The following PDCD11 variants were observed in gnomAD, a reference collection of about 807,000 sequenced individuals.
PDCD11 encodes programmed cell death 11.
PDCD11 carries 97 observed loss-of-function variants against 198.9 expected under a neutral mutation model. The observed-to-expected ratio is 0.49, with a 90% CI of 0.41 to 0.58. The LOEUF is 0.58. Among genes scored for constraint, PDCD11 ranks in the 20% least tolerant of loss-of-function variants. The pLI, the probability that PDCD11 is intolerant of heterozygous loss-of-function variation, is 0.00. For synonymous variants in PDCD11, 893 were observed against 918.0 expected (o/e 0.97, Z 0.49); for missense variants, 2,102 against 2,312.7 (o/e 0.91, Z 1.87).
At chr10:103,438,220 G>A in intron 26 of PDCD11, 149 bp downstream of exon 26, 1 of 675,566 alleles carries the variant, frequency 1.5e-6, no homozygotes, top group Non-Finnish European at 2.6e-6. Flanking sequence ...GAAAAGCTGA[G>A]GCTGTTCAGA....
At chr10:103,420,510 C>T (rs1343992270) in intron 16 of PDCD11, among the ~76,000 whole-genome samples, 1 of 152,132 alleles carries the variant, frequency 6.6e-6, no homozygotes, top group East Asian at 1.9e-4. Context: ...TCCTGGTGTG[C>T]CTGGCACGTC....
chr10:103,416,436 T>G, intron 12 of PDCD11, 55 bp from the exon 13 acceptor site: 1 of 1,591,794 alleles, frequency 6.3e-7, no homozygotes. Context: ...AGAGACCAGC[T>G]CAGTGGCTCT....
At position 103,415,144 on chromosome 10, in the gene PDCD11, A is replaced by G. The variant is rs1456477261; in HGVS notation, c.1511A>G (p.Lys504Arg). Residue 504 changes from lysine (K) to arginine (R), a missense_variant, in exon 12 of 36, where the codon AAG becomes AGG. Transcript: ENST00000369797. ...EKKYHIGDEV[K>R]CRVLLCDPEA... is the part of the protein sequence containing the mutation. ...AAGTACCACATCGGGGATGAGGTCA[A>G]GTGCCGGGTGAGCCTCCTGAAGGGT... 2 of 1,613,864 alleles carry G rather than the reference A, an allele frequency of 1.2e-6. No homozygotes were observed. The highest frequency in any genetic ancestry group is 2.7e-5 in the African/African-American group (2 of 75,032).
At chr10:103,411,075 T>TAA (rs775346957) in intron 8 of PDCD11, among the ~76,000 whole-genome samples, 3 of 135,286 alleles carry the variant, frequency 2.2e-5, no homozygotes, top group Non-Finnish European at 3.2e-5. Flanking sequence ...ACTCTGTCTT[T>TAA]AAAAAAAAAA....
At chr10:103,434,627 G>A in intron 24 of PDCD11, 171 bp from the exon 25 acceptor site, 1 of 606,670 alleles carries the variant, frequency 1.6e-6, no homozygotes, top group East Asian at 2.8e-5. Context: ...TTGGCCCTGA[G>A]GTCCTTGGCT....
chr10:103,414,471 T>G lies in PDCD11; in HGVS notation c.1371+141T>G, dbSNP rs1367954337. 6 of 627,980 alleles carry G rather than the reference T, an allele frequency of 9.6e-6. No individual in the cohort carries two copies. The East Asian group carries it at 1.7e-4, about 17-fold the overall frequency. 38.9% of individuals were successfully genotyped at this position (627,980 alleles called of 1,614,324 possible). ...TTGCTTCTGCCTGCTGACTAGAATT[T>G]CTTTCTCTTTCTTTGGGTAACTCAT... On this transcript the variant is annotated intron_variant, in intron 11 of 35. Coordinates refer to ENST00000369797, the MANE Select transcript of PDCD11 (RefSeq NM_014976.2).
Position 103,427,285 on chromosome 10 carries a change from T to G in PDCD11, c.3306-44T>G, listed in dbSNP as rs374389467. On this transcript the variant is annotated intron_variant, in intron 20 of 35. Transcript: ENST00000369797. Reference sequence around the variant, plus strand: ...AAATCCTGACCTACAGATTACTGTGTTACAGAGATGAAGAGAAATGATTCA... The same window carrying G: ...AAATCCTGACCTACAGATTACTGTGGTACAGAGATGAAGAGAAATGATTCA... 11 of 1,543,962 alleles carry G rather than the reference T, an allele frequency of 7.1e-6. No homozygotes were observed. In the African/African-American group the frequency reaches 1.2e-4, roughly 17 times the overall value.
rs2031621951 is a variant in PDCD11, at chr10:103,425,036, T to G, written c.2816T>G (p.Phe939Cys). Reference sequence around the variant, plus strand: ...ATTGTGCAGCACTTGGAGAAGTCCTTTGCCATTGCCTCCTTGGTAGAGACG... The same window carrying G: ...ATTGTGCAGCACTTGGAGAAGTCCTGTGCCATTGCCTCCTTGGTAGAGACG... Reference protein sequence around the residue: ...QAIVQHLEKSFAIASLVETGH... With the variant: ...QAIVQHLEKSCAIASLVETGH... The change falls in exon 20 of 36, where the codon TTT becomes TGT. Residue 939 changes from phenylalanine (F) to cysteine (C), a missense_variant. Transcript: ENST00000369797. 1 of 1,614,248 alleles carries G rather than the reference T, an allele frequency of 6.2e-7. No homozygotes were observed. The highest frequency in any genetic ancestry group is 8.5e-7 in the Non-Finnish European group (1 of 1,180,036).
intron 34 of PDCD11, 77 bp from the exon 35 acceptor site, chr10:103,444,440 G>C (rs773678362): frequency 7.2e-7 from 1 of 1,395,224 alleles, no homozygotes; most frequent in African/African-American, 1.4e-5. Flanking sequence ...TCAGGTGCAC[G>C]CTGACCCTGC....
rs770468831 is a variant in PDCD11, at chr10:103,418,472, A to T, written c.1944A>T (p.Lys648Asn). The change falls in exon 15 of 36, where the codon AAA becomes AAT. Residue 648 changes from lysine (K) to asparagine (N), a missense_variant. Lys to Asn is a moderately conservative substitution (Grantham distance 94). Coordinates refer to ENST00000369797, the MANE Select transcript of PDCD11 (RefSeq NM_014976.2). ...ATGTGAAGGTTTTAGAGAAGACCAA[A>T]GATGGGCTGGAGGTGGCTGTCCTGC... ...LVDVKVLEKT[K>N]DGLEVAVLPH... The T allele has an allele frequency of 1.2e-6, 2 of 1,614,024 alleles. No individual in the cohort carries two copies. Among genetic ancestry groups the T allele is most frequent in the Non-Finnish European group, 1.7e-6 (2 of 1,179,998 alleles).
chr10:103,416,765 C>A lies in PDCD11; in HGVS notation c.1770+23C>A, dbSNP rs774436844. 3 of 1,606,130 alleles carry A rather than the reference C, an allele frequency of 1.9e-6. No individual in the cohort carries two copies. The South Asian group carries it at 3.3e-5, about 18-fold the overall frequency. On this transcript the variant is annotated intron_variant, in intron 13 of 35. Transcript: ENST00000369797. ...CAGGTAACCCTTCCCCTAGACAGGT[C>A]CCCTTTACCCTTGGTGACCCCACAA... is the stretch of plus-strand genomic sequence containing the variant.
In PDCD11 at chr10:103,440,917, CTCA is replaced by C. The variant is rs1393234732; in HGVS notation, c.4557+70_4557+72del. 2.7e-6 allele frequency: 3 copies of C among 1,093,230 alleles called. No individual in the cohort carries two copies. The East Asian group carries it at 7.2e-5, about 26-fold the overall frequency. The allele number at this position is 1,093,230 out of a possible 1,614,324, so 67.7% of individuals were successfully genotyped here. On this transcript the variant is annotated intron_variant, in intron 30 of 35. Transcript: ENST00000369797. ...AGGGAAGAGCTGGGCCATCCTCTGCCTCATCCTCTTTTACTTCATTTCCTATAA... is the reference window on the plus strand; with the variant it reads ...AGGGAAGAGCTGGGCCATCCTCTGCCTCCTCTTTTACTTCATTTCCTATAA...
intron 21 of PDCD11, among the ~76,000 whole-genome samples, chr10:103,430,101 C>T (rs893658085): frequency 1.3e-5 from 2 of 152,156 alleles, no homozygotes; most frequent in African/African-American, 4.8e-5. Flanking sequence ...AGTGATCCCC[C>T]TCCCTCAGTC....
intron 12 of PDCD11, among the ~76,000 whole-genome samples, chr10:103,415,478 T>G (rs1329415125): frequency 6.6e-6 from 1 of 151,472 alleles, no homozygotes; most frequent in East Asian, 1.9e-4. Context: ...CAGTAGCGAC[T>G]GCCACGAACA....
At chr10:103,399,376 T>G (rs1338822075) in intron 2 of PDCD11, among the ~76,000 whole-genome samples, 1 of 151,950 alleles carries the variant, frequency 6.6e-6, no homozygotes, top group African/African-American at 2.4e-5. Context: ...TTGTTGTTGT[T>G]TTTTCAAGAG....
Position 103,434,975 on chromosome 10 carries a change from G to T in PDCD11, c.3845G>T (p.Arg1282Ile). ...GACTTCGTCCCCCAGAAGGTTGTCA[G>T]GTAAGCGAAGTGTTCTTCCTCTTTT... is the stretch of plus-strand genomic sequence containing the variant. ...LEDFVPQKVV[R>I]CYILSTADNV... The change falls in exon 25 of 36, where the codon AGA (arginine) becomes ATA (isoleucine). Residue 1282 changes from arginine (R) to isoleucine (I), a missense_variant and splice_region_variant. By Grantham distance (97) the Arg-to-Ile change is moderately conservative. Coordinates refer to ENST00000369797, the MANE Select transcript of PDCD11 (RefSeq NM_014976.2). 6.5e-7 allele frequency: 1 copy of T among 1,532,538 alleles called. No homozygotes were observed. Among genetic ancestry groups the T allele is most frequent in the Non-Finnish European group, 8.8e-7 (1 of 1,135,312 alleles). 94.9% of individuals were successfully genotyped at this position (1,532,538 alleles called of 1,614,324 possible).
At position 103,425,502 on chromosome 10, in the gene PDCD11, C is replaced by T. The variant is rs774785953; in HGVS notation, c.3282C>T (p.Gly1094=). ...AGACGGTCACTGCCCGAGTGATTGG[C>T]GGGCGAGACATGAAGACATTCAAGT... ...VGKTVTARVI[G]GRDMKTFKYL... is the part of the protein sequence containing the mutation. The change falls in exon 20 of 36, where the codon GGC becomes GGT. Residue 1094 remains glycine (G), a synonymous_variant. Coordinates refer to ENST00000369797, the MANE Select transcript of PDCD11 (RefSeq NM_014976.2). 2.8e-5 allele frequency: 45 copies of T among 1,610,216 alleles called. No homozygotes were observed. The East Asian group carries it at 2.9e-4, about 10-fold the overall frequency.
rs147787925 is a variant in PDCD11, at chr10:103,427,380, T to G, written c.3357T>G (p.Ser1119Arg). 1 of 1,611,592 alleles carries G rather than the reference T, an allele frequency of 6.2e-7. No individual in the cohort carries two copies. The highest frequency in any genetic ancestry group is 8.5e-7 in the Non-Finnish European group (1 of 1,178,810). The change falls in exon 21 of 36, where the codon AGT becomes AGG. Residue 1119 changes from serine (S) to arginine (R), a missense_variant. Transcript: ENST00000369797. The part of the protein sequence containing the change: ...PRFVRTIPEL[S>R]VRPSELEDGH... ...TCGTTCGAACCATCCCGGAGCTGAGTGTTCGGCCAAGGTGAGGGGGACATT... is the reference window on the plus strand; with the variant it reads ...TCGTTCGAACCATCCCGGAGCTGAGGGTTCGGCCAAGGTGAGGGGGACATT...
At chr10:103,436,250 T>G (rs1008755392) in intron 25 of PDCD11, among the ~76,000 whole-genome samples, 1 of 152,100 alleles carries the variant, frequency 6.6e-6, no homozygotes, top group South Asian at 2.1e-4. Flanking sequence ...ACAGGCGTTG[T>G]GTCACCATGC....
Sources: allele counts gnomAD v4.1 joint callset (sites outside exome capture counted in the v4.1 genomes callset), GRCh38; gene constraint gnomAD v4.1.1; transcripts MANE v1.5; gene names NCBI Gene and HGNC (gene_info 2026-07-23, HGNC 2026-07-21).